Variants in CFAP299 observed in about 807,000 individuals in gnomAD.
CFAP299 encodes cilia and flagella associated protein 299.
In CFAP299, 21 loss-of-function variants were observed where a neutral mutation model predicts 27.0. That is an observed-to-expected ratio of 0.78 (90% CI 0.55 to 1.12). The LOEUF (loss-of-function observed/expected upper bound fraction) is 1.12. Among genes scored for constraint, CFAP299 ranks in the 50% most tolerant of loss-of-function variants. The pLI, the probability that CFAP299 is intolerant of heterozygous loss-of-function variation, is 0.00. For missense variants in CFAP299, 310 were observed against 276.6 expected (o/e 1.12, Z -0.86); for synonymous variants, 104 against 98.1 (o/e 1.06, Z -0.36).
intron 2 of CFAP299, among the ~76,000 whole-genome samples, chr4:80,561,818 A>T (rs904949306): frequency 1.3e-5 from 2 of 152,162 alleles, no homozygotes; most frequent in Admixed American, 1.3e-4. Flanking sequence ...AAGATCTAGA[A>T]AATAGCCTCA....
chr4:80,908,168 T>C (rs1288464949), intron 4 of CFAP299, among the ~76,000 whole-genome samples: 20 of 152,346 alleles, frequency 1.3e-4, no homozygotes, highest in Admixed American at 1.3e-3. Context: ...GATATCCCAA[T>C]GGTCCAAAAC....
intron 3 of CFAP299, among the ~76,000 whole-genome samples, chr4:80,641,574 C>A (rs562813677): frequency 6.6e-6 from 1 of 152,286 alleles, no homozygotes; most frequent in South Asian, 2.1e-4. Flanking sequence ...CCCTATTTAT[C>A]AACTTAGGTT....
chr4:80,386,795 G>C, intron 2 of CFAP299: 2 of 1,077,620 alleles, frequency 1.9e-6, no homozygotes, highest in Non-Finnish European at 2.9e-6. Context: ...GCTTGTGTGC[G>C]TCGATAAAGG....
At chr4:80,380,648 CA>C (rs1724656838) in intron 2 of CFAP299, among the ~76,000 whole-genome samples, 1 of 152,072 alleles carries the variant, frequency 6.6e-6, no homozygotes, top group Non-Finnish European at 1.5e-5. Context: ...AGGCTGGTCT[CA>C]AACTCCTGAC....
intron 2 of CFAP299, among the ~76,000 whole-genome samples, chr4:80,476,680 A>G (rs960616274): frequency 2.6e-5 from 4 of 152,058 alleles, no homozygotes; most frequent in Non-Finnish European, 5.9e-5. Context: ...CTTCATCATT[A>G]TTTGTGTCAG....
intron 2 of CFAP299, among the ~76,000 whole-genome samples, chr4:80,462,343 C>T (rs550130062): frequency 1.3e-4 from 20 of 152,242 alleles, no homozygotes; most frequent in South Asian, 1.0e-3. Flanking sequence ...ACCATTCTGG[C>T]GGAGCAGACT....
intron 3 of CFAP299, among the ~76,000 whole-genome samples, chr4:80,754,917 T>C (rs1387385457): frequency 6.6e-6 from 1 of 152,128 alleles, no homozygotes; most frequent in African/African-American, 2.4e-5. Flanking sequence ...TTGCATATTG[T>C]TCAAGGTTTT....
chr4:80,339,404 G>C (rs901087583), intron 1 of CFAP299, among the ~76,000 whole-genome samples: 2 of 152,164 alleles, frequency 1.3e-5, no homozygotes, highest in African/African-American at 4.8e-5. Flanking sequence ...ATCACAGTAA[G>C]TACACAAATA....
intron 4 of CFAP299, among the ~76,000 whole-genome samples, chr4:80,883,686 A>G (rs1413163008): frequency 6.6e-6 from 1 of 152,126 alleles, no homozygotes; most frequent in Admixed American, 6.5e-5. Context: ...CACAAGGGAT[A>G]AAGAAGTTCA....
At chr4:80,801,068 C>A (rs562237188) in intron 3 of CFAP299, among the ~76,000 whole-genome samples, 71 of 151,826 alleles carry the variant, frequency 4.7e-4, no homozygotes, top group Non-Finnish European at 8.2e-4. Flanking sequence ...CCTTTCCCAG[C>A]CCACTGACTC....
rs1252356089 is a variant in CFAP299, at chr4:80,614,355, C to T, written c.333+31172C>T. Among the ~76,000 whole-genome samples, 4 of 152,278 alleles carry T rather than the reference C, an allele frequency of 2.6e-5. No homozygotes were observed. In the East Asian group the frequency reaches 7.7e-4, roughly 29 times the overall value. Reference sequence around the variant, plus strand: ...CTAATAATGACCTTGATCCCCATAGCTGTATATTTAATGGAGATGACAAAC... The same window carrying T: ...CTAATAATGACCTTGATCCCCATAGTTGTATATTTAATGGAGATGACAAAC... On this transcript the variant is annotated intron_variant, in intron 3 of 5. Coordinates refer to ENST00000358105, the MANE Select transcript of CFAP299 (RefSeq NM_152770.3).
At position 80,734,784 on chromosome 4, in the gene CFAP299, G is replaced by C. The variant is rs550889335; in HGVS notation, c.334-135209G>C. On this transcript the variant is annotated intron_variant, in intron 3 of 5. Transcript: ENST00000358105. ...GAAAAGGAGTTCACTGTAGTGTGTG[G>C]ATTCCTTTCTGGGTTCTCTATTCTG... Among the ~76,000 whole-genome samples the C allele has an allele frequency of 3.3e-5, 5 of 152,170 alleles. No homozygotes were observed. In the East Asian group the frequency reaches 9.7e-4, roughly 29 times the overall value.
chr4:80,944,496 A>C (rs1364751539), intron 4 of CFAP299, among the ~76,000 whole-genome samples: 1 of 152,214 alleles, frequency 6.6e-6, no homozygotes, highest in African/African-American at 2.4e-5. Flanking sequence ...CCTGAACTAG[A>C]ACAAATAGCC....
chr4:80,771,400 T>A (rs1433415044), intron 3 of CFAP299, among the ~76,000 whole-genome samples: 3 of 152,206 alleles, frequency 2.0e-5, no homozygotes, highest in Non-Finnish European at 4.4e-5. Context: ...ATATAGATAT[T>A]AATTACAATG....
At chr4:80,892,783 G>A (rs377281430) in intron 4 of CFAP299, among the ~76,000 whole-genome samples, 26 of 152,044 alleles carry the variant, frequency 1.7e-4, no homozygotes, top group East Asian at 1.5e-3. Flanking sequence ...ATTCGATGGC[G>A]AAAAACCGAA....
At chr4:80,387,660 T>C in intron 2 of CFAP299, 1 of 1,553,680 alleles carries the variant, frequency 6.4e-7, no homozygotes, top group South Asian at 1.1e-5. Context: ...TCTGCATGTG[T>C]TTCTTAACAT....
At chr4:80,525,992 T>TA (rs1733155796) in intron 2 of CFAP299, among the ~76,000 whole-genome samples, 1 of 152,196 alleles carries the variant, frequency 6.6e-6, no homozygotes, top group Admixed American at 6.6e-5. Flanking sequence ...AGGAATGTTT[T>TA]ACCAGAGAGT....
chr4:80,797,196 G>A (rs1318798827), intron 3 of CFAP299, among the ~76,000 whole-genome samples: 1 of 152,120 alleles, frequency 6.6e-6, no homozygotes, highest in East Asian at 1.9e-4. Flanking sequence ...GTCCCCTTGG[G>A]GAAGGATGGG....
intron 2 of CFAP299, among the ~76,000 whole-genome samples, chr4:80,437,306 G>A (rs11736601): frequency 6.6e-6 from 1 of 152,156 alleles, no homozygotes; most frequent in African/African-American, 2.4e-5. Context: ...ACTGGAAAAA[G>A]TCTGAGATTT....
Sources: allele counts gnomAD v4.1 joint callset (sites outside exome capture counted in the v4.1 genomes callset), GRCh38; gene constraint gnomAD v4.1.1; transcripts MANE v1.5; gene names NCBI Gene and HGNC (gene_info 2026-07-23, HGNC 2026-07-21).